SETBP1: variants seen among roughly 807,000 people sequenced by gnomAD.
The protein encoded by SETBP1 is SET-binding protein.
SETBP1 carries 9 observed loss-of-function variants against 101.0 expected under a neutral mutation model. The observed-to-expected ratio is 0.09, with a 90% confidence interval of 0.05 to 0.16. SETBP1 has a LOEUF of 0.16. Ranked by LOEUF, SETBP1 falls within the 10% of genes least tolerant of loss-of-function variation. The pLI is 1.00. For missense variants in SETBP1, 1,858 were observed against 2,033.8 expected (o/e 0.91, Z 1.66); for synonymous variants, 818 against 788.5 (o/e 1.04, Z -0.63).
intron 5 of SETBP1, among the ~76,000 whole-genome samples, chr18:45,046,404 GAAC>G (rs1255189948): frequency 1.3e-5 from 2 of 152,166 alleles, no homozygotes; most frequent in African/African-American, 4.8e-5. Context: ...GAGCAACCTA[GAAC>G]AACTTGGCAG....
At chr18:44,913,501 G>A (rs2070360175) in intron 3 of SETBP1, among the ~76,000 whole-genome samples, 1 of 152,236 alleles carries the variant, frequency 6.6e-6, no homozygotes. Context: ...CTTCACAGAA[G>A]GCAGAGACTA....
intron 2 of SETBP1, among the ~76,000 whole-genome samples, chr18:44,844,351 GCGCA>G (rs1468514883): frequency 3.8e-5 from 4 of 106,084 alleles, no homozygotes; most frequent in African/African-American, 6.9e-5. Context: ...GCACACACGC[GCGCA>G]CACACACACA....
chr18:44,894,168 C>G (rs1045863805), intron 3 of SETBP1, among the ~76,000 whole-genome samples: 1 of 152,190 alleles, frequency 6.6e-6, no homozygotes, highest in Non-Finnish European at 1.5e-5. Flanking sequence ...CTCATCACCT[C>G]AAGCAGGTCA....
chr18:44,955,673 A>G (rs1376855790), intron 4 of SETBP1, among the ~76,000 whole-genome samples: 1 of 152,224 alleles, frequency 6.6e-6, no homozygotes, highest in Non-Finnish European at 1.5e-5. Context: ...TTCTAAGCCC[A>G]GAACTTTGCC....
At chr18:44,784,662 A>G (rs745445037) in intron 2 of SETBP1, among the ~76,000 whole-genome samples, 2 of 152,166 alleles carry the variant, frequency 1.3e-5, no homozygotes, top group Admixed American at 1.3e-4. Flanking sequence ...CAATAGACTT[A>G]TTTTTCTTGC....
At chr18:44,763,769 A>G (rs538573946) in intron 2 of SETBP1, among the ~76,000 whole-genome samples, 1 of 152,196 alleles carries the variant, frequency 6.6e-6, no homozygotes, top group South Asian at 2.1e-4. Context: ...TCCTTTTTAA[A>G]ATATGTTTCC....
intron 2 of SETBP1, among the ~76,000 whole-genome samples, chr18:44,768,144 G>A (rs1277600179): frequency 6.6e-6 from 1 of 152,164 alleles, no homozygotes; most frequent in Non-Finnish European, 1.5e-5. Flanking sequence ...TGTAGAGTCT[G>A]GGCTGGTGGT....
chr18:44,800,882 A>G (rs572427016), intron 2 of SETBP1, among the ~76,000 whole-genome samples: 1 of 152,338 alleles, frequency 6.6e-6, no homozygotes, highest in South Asian at 2.1e-4. Flanking sequence ...GAACCAACCC[A>G]AATGTCCATC....
At chr18:45,018,377 G>A (rs1481458609) in intron 4 of SETBP1, among the ~76,000 whole-genome samples, 3 of 152,124 alleles carry the variant, frequency 2.0e-5, no homozygotes, top group Non-Finnish European at 2.9e-5. Context: ...TGTATGTGTT[G>A]AGCTGTTCTT....
chr18:44,861,938 A>G (rs1351291123), intron 2 of SETBP1, among the ~76,000 whole-genome samples: 1 of 152,234 alleles, frequency 6.6e-6, no homozygotes, highest in Non-Finnish European at 1.5e-5. Flanking sequence ...TAAGTTCAAC[A>G]TAAAACAAGA....
chr18:44,700,159 T>C (rs1410044709), intron 1 of SETBP1, among the ~76,000 whole-genome samples: 2 of 152,136 alleles, frequency 1.3e-5, no homozygotes, highest in Non-Finnish European at 2.9e-5. Context: ...TTGAAAATTA[T>C]GAGTATGAAA....
intron 1 of SETBP1, among the ~76,000 whole-genome samples, chr18:44,688,459 G>A (rs1275072957): frequency 4.6e-5 from 7 of 151,832 alleles, no homozygotes; most frequent in African/African-American, 1.5e-4. Context: ...ATTGTTATTT[G>A]AGCAATGAGA....
At chr18:44,757,955 A>G (rs2070539263) in intron 2 of SETBP1, among the ~76,000 whole-genome samples, 1 of 152,304 alleles carries the variant, frequency 6.6e-6, no homozygotes, top group Middle Eastern at 3.4e-3. Flanking sequence ...TTTGTTAGAG[A>G]GATGTGTTTC....
At chr18:44,816,846 C>T (rs926652794) in intron 2 of SETBP1, among the ~76,000 whole-genome samples, 5 of 152,202 alleles carry the variant, frequency 3.3e-5, no homozygotes, top group African/African-American at 9.7e-5. Context: ...CTTCCTTCCC[C>T]GTGGGTCCTC....
At chr18:44,925,215 G>GT (rs942832864) in intron 3 of SETBP1, among the ~76,000 whole-genome samples, 19 of 148,804 alleles carry the variant, frequency 1.3e-4, no homozygotes, top group South Asian at 4.3e-4. Flanking sequence ...AAAAATGTAT[G>GT]TTTTTTTTTC....
intron 3 of SETBP1, among the ~76,000 whole-genome samples, chr18:44,948,120 G>A (rs896245510): frequency 2.6e-5 from 4 of 152,238 alleles, no homozygotes; most frequent in African/African-American, 4.8e-5. Flanking sequence ...TCAAGTGGTC[G>A]GATTAATTCT....
intron 3 of SETBP1, among the ~76,000 whole-genome samples, chr18:44,915,991 C>T (rs2070416348): frequency 6.6e-6 from 1 of 152,020 alleles, no homozygotes; most frequent in South Asian, 2.1e-4. Flanking sequence ...TTTGGGAGGC[C>T]GAGTCAGGCA....
At chr18:44,936,792 A>G (rs1470523538) in intron 3 of SETBP1, among the ~76,000 whole-genome samples, 1 of 152,188 alleles carries the variant, frequency 6.6e-6, no homozygotes, top group Non-Finnish European at 1.5e-5. Flanking sequence ...GAACAAGGTA[A>G]TCTGTGCACA....
chr18:44,779,752 G>A (rs537867456), intron 2 of SETBP1, among the ~76,000 whole-genome samples: 42 of 152,194 alleles, frequency 2.8e-4, no homozygotes, highest in African/African-American at 9.6e-4. Flanking sequence ...GTAAGGGGAG[G>A]CTCCTTAATT....
Sources: gnomAD v4.1 joint callset for allele counts (sites outside exome capture counted in the v4.1 genomes callset) on GRCh38, gnomAD v4.1.1 for gene constraint, MANE v1.5 for transcripts, NCBI Gene and HGNC (gene_info 2026-07-23, HGNC 2026-07-21) for gene names.